Variants in JAKMIP3 observed in about 807,000 individuals in gnomAD.
The protein encoded by JAKMIP3 is janus kinase and microtubule-interacting protein 3.
Under a neutral mutation model 118.5 loss-of-function variants are expected in JAKMIP3, and 58 were observed. The observed-to-expected ratio is 0.49, with a 90% CI of 0.40 to 0.61. The LOEUF (loss-of-function observed/expected upper bound fraction) is 0.61. Ranked by LOEUF, JAKMIP3 falls within the 20% of genes least tolerant of loss-of-function variation. The pLI is 0.00. For missense variants in JAKMIP3, 950 were observed against 1,109.0 expected (o/e 0.86, Z 2.04); for synonymous variants, 486 against 451.2 (o/e 1.08, Z -0.98).
chr10:132,096,665 C>T (rs1215802492), intron 1 of JAKMIP3, among the ~76,000 whole-genome samples: 1 of 152,090 alleles, frequency 6.6e-6, no homozygotes, highest in African/African-American at 2.4e-5. Context: ...TGTGGCCAGC[C>T]TTCTGCCTCT....
At chr10:132,098,551 A>C (rs1166163981) in intron 1 of JAKMIP3, among the ~76,000 whole-genome samples, 1 of 152,170 alleles carries the variant, frequency 6.6e-6, no homozygotes, top group African/African-American at 2.4e-5. Flanking sequence ...GTCCATCTTG[A>C]AGCATCTTTA....
At chr10:132,144,462 C>T (rs2054204116) in intron 11 of JAKMIP3, 1 of 152,444 alleles carries the variant, frequency 6.6e-6, no homozygotes. Context: ...GTCCCTCGAA[C>T]AAAGCCCTCT....
At chr10:132,062,613 G>T (rs1388263843), upstream of JAKMIP3, among the ~76,000 whole-genome samples, 2 of 152,244 alleles carry the variant, frequency 1.3e-5, no homozygotes, top group Non-Finnish European at 2.9e-5. Flanking sequence ...AAAAGGATAT[G>T]TAGAGTATGA....
intron 9 of JAKMIP3, 36 bp from the exon 10 acceptor site, chr10:132,140,415 C>A: frequency 6.2e-7 from 1 of 1,612,094 alleles, no homozygotes; most frequent in Non-Finnish European, 8.5e-7. Context: ...GTGCCTGGGT[C>A]TGGTTTGAAC....
At position 132,136,175 on chromosome 10, in the gene JAKMIP3, C is replaced by T. The variant is rs557649186; in HGVS notation, c.1116+99C>T. 4,291 of 1,340,798 alleles carry T rather than the reference C, an allele frequency of 3.2e-3. 11 individuals carry two copies. Among genetic ancestry groups the T allele is most frequent in the Non-Finnish European group, 3.2e-3 (3,118 of 972,130 alleles). 83.1% of individuals were successfully genotyped at this position (1,340,798 alleles called of 1,614,324 possible). On this transcript the variant is annotated intron_variant, in intron 6 of 23. Coordinates refer to ENST00000684848, the MANE Select transcript of JAKMIP3 (RefSeq NM_001323087.2). ...CAAGATTTAGCATGACAGCCGGTCC[C>T]GGGCGGGTGGCCAGGCCTTCTGCTG...
chr10:132,087,666 G>A (rs9419182), intron 1 of JAKMIP3, among the ~76,000 whole-genome samples: 117,502 of 151,194 alleles, frequency 0.78, 46,917 homozygotes, highest in East Asian at 1. Context: ...TTTCCAGAGC[G>A]TTTTGCATTT....
chr10:132,065,269 C>T (rs1198426207), upstream of JAKMIP3, among the ~76,000 whole-genome samples: 1 of 151,986 alleles, frequency 6.6e-6, no homozygotes, highest in East Asian at 1.9e-4. The surrounding 1 kb of genome is among the most constrained non-coding windows in gnomAD (Gnocchi z 5.6). Context: ...TTATGGACTG[C>T]GTGTGGGATT....
chr10:132,132,899 A>G (rs964751347), intron 3 of JAKMIP3, among the ~76,000 whole-genome samples: 4 of 152,152 alleles, frequency 2.6e-5, no homozygotes, highest in African/African-American at 7.2e-5. Context: ...GCACCTTCCT[A>G]TTGGCAGAGT....
chr10:132,099,809 G>A (rs757780307), intron 1 of JAKMIP3, among the ~76,000 whole-genome samples: 4 of 152,194 alleles, frequency 2.6e-5, no homozygotes, highest in Non-Finnish European at 4.4e-5. Flanking sequence ...TGCGTGTCAC[G>A]GACGGCACGT....
At chr10:132,125,391 G>A (rs1247545983) in intron 3 of JAKMIP3, among the ~76,000 whole-genome samples, 1 of 152,248 alleles carries the variant, frequency 6.6e-6, no homozygotes, top group Non-Finnish European at 1.5e-5. Context: ...CACAGACGCG[G>A]GTCTCTTTCC....
chr10:132,112,438 C>T lies in JAKMIP3; in HGVS notation c.136-4639C>T, dbSNP rs1301574940. 2.0e-5 allele frequency among the ~76,000 whole-genome samples: 3 copies of T among 152,208 alleles called. No individual in the cohort carries two copies. The highest frequency in any genetic ancestry group is 2.9e-5 in the Non-Finnish European group (2 of 68,024). On this transcript the variant is annotated intron_variant, in intron 2 of 23. Coordinates refer to ENST00000684848, the MANE Select transcript of JAKMIP3 (RefSeq NM_001323087.2). This position sits in a 1 kb window ranked among gnomAD's most constrained non-coding sequence, Gnocchi z 4.3. ...TTGGACTTCACCCACCTCATGCCTG[C>T]TTCCAGAACATTCCATCCCGCCTCT...
At chr10:132,133,116 C>T (rs773626310) in intron 3 of JAKMIP3, among the ~76,000 whole-genome samples, 196 bp from the exon 4 acceptor site, 12 of 152,180 alleles carry the variant, frequency 7.9e-5, no homozygotes, top group Non-Finnish European at 1.3e-4. Flanking sequence ...TCTGCGTAGC[C>T]GGCTGAGCCA....
intron 1 of JAKMIP3, among the ~76,000 whole-genome samples, chr10:132,094,042 A>G (rs895714425): frequency 2.7e-5 from 4 of 150,380 alleles, no homozygotes; most frequent in Admixed American, 6.7e-5. Flanking sequence ...GGTTCAAGCA[A>G]TTCTCTTGCC....
intron 2 of JAKMIP3, among the ~76,000 whole-genome samples, chr10:132,113,904 A>G (rs962610617): frequency 5.9e-5 from 9 of 152,254 alleles, no homozygotes; most frequent in African/African-American, 2.2e-4. Flanking sequence ...AGCCTGTGTC[A>G]TAGACAGCGT....
At chr10:132,072,601 T>C (rs1351467572) in intron 1 of JAKMIP3, among the ~76,000 whole-genome samples, 1 of 152,166 alleles carries the variant, frequency 6.6e-6, no homozygotes, top group Non-Finnish European at 1.5e-5. Context: ...TTTAGCCCAT[T>C]TACATTTAAT....
At chr10:132,124,448 G>A (rs963729385) in intron 3 of JAKMIP3, among the ~76,000 whole-genome samples, 4 of 150,398 alleles carry the variant, frequency 2.7e-5, no homozygotes, top group African/African-American at 4.9e-5. Context: ...GCACATCACC[G>A]CCGAGCCGGT....
At position 132,152,945 on chromosome 10, in the gene JAKMIP3, C is replaced by T. The variant is rs200168920; in HGVS notation, c.2008-13C>T. On this transcript the variant is annotated splice_polypyrimidine_tract_variant and intron_variant, in intron 16 of 23. Coordinates refer to ENST00000684848, the MANE Select transcript of JAKMIP3 (RefSeq NM_001323087.2). ...TGCTTCTGACCGCACCTGTGTTCTG[C>T]TTTTGGGTGCAGAACCTGACCAATG... The T allele has an allele frequency of 2.8e-5, 44 of 1,598,320 alleles. No individual in the cohort carries two copies. Among genetic ancestry groups the T allele is most frequent in the Non-Finnish European group, 3.8e-5 (44 of 1,172,706 alleles).
intron 23 of JAKMIP3, among the ~76,000 whole-genome samples, chr10:132,173,953 C>G (rs554682552): frequency 8.1e-6 from 1 of 122,758 alleles, no homozygotes; most frequent in South Asian, 2.8e-4. Flanking sequence ...TGTGGTGTGT[C>G]TGTGGTGGTC....
In JAKMIP3 at chr10:132,167,073, A is replaced by C; in HGVS notation, c.*22+18A>C. 1 of 1,508,416 alleles carries C rather than the reference A, an allele frequency of 6.6e-7. No individual in the cohort carries two copies. Among genetic ancestry groups the C allele is most frequent in the Non-Finnish European group, 9.0e-7 (1 of 1,108,180 alleles). The allele number at this position is 1,508,416 out of a possible 1,614,324, so 93.4% of individuals were successfully genotyped here. On this transcript the variant is annotated intron_variant, in intron 22 of 23. Transcript: ENST00000684848. ...CTGACGTGGTGAGTATTTCGTTGGC[A>C]GGGCCCAGCAGGGGTCCCGCTCTGC...
Sources: allele counts gnomAD v4.1 joint callset (sites outside exome capture counted in the v4.1 genomes callset), GRCh38; gene constraint gnomAD v4.1.1; non-coding constraint Gnocchi (gnomAD v3.1); transcripts MANE v1.5; gene names NCBI Gene and HGNC (gene_info 2026-07-23, HGNC 2026-07-21).